FBLN7: variants seen among roughly 807,000 people sequenced by gnomAD.
FBLN7 encodes the protein fibulin 7.
A neutral mutation model predicts 44.0 loss-of-function variants in FBLN7; 31 were observed. The observed-to-expected ratio is 0.70, with a 90% CI of 0.53 to 0.95. The LOEUF (loss-of-function observed/expected upper bound fraction) is 0.95, where lower values mean the gene tolerates loss of function less well. Ranked by LOEUF, FBLN7 falls within the 40% of genes least tolerant of loss-of-function variation. The pLI is 0.00. For missense variants in FBLN7, 573 were observed against 618.5 expected (o/e 0.93, Z 0.78); for synonymous variants, 262 against 253.4 (o/e 1.03, Z -0.32).
the FBLN7 span, among the ~76,000 whole-genome samples, chr2:112,224,384 A>T: frequency 5.9e-5 from 9 of 152,362 alleles, no homozygotes; most frequent in Non-Finnish European, 1.2e-4. Context: ...ACTCTTATCA[A>T]GCTACAATTT....
chr2:112,207,936 C>T, the FBLN7 span, among the ~76,000 whole-genome samples: 1 of 152,136 alleles, frequency 6.6e-6, no homozygotes, highest in Non-Finnish European at 1.5e-5. Context: ...TTAAAAAATC[C>T]GTTCTGACAA....
At chr2:112,196,027 G>T in the FBLN7 span, among the ~76,000 whole-genome samples, 1 of 152,174 alleles carries the variant, frequency 6.6e-6, no homozygotes, top group Non-Finnish European at 1.5e-5. Flanking sequence ...ACAGATGCTG[G>T]GACCCCCAGA....
At chr2:112,177,540 T>C (rs1388819661) in intron 4 of FBLN7, 3 of 152,194 alleles carry the variant, frequency 2.0e-5, no homozygotes, top group East Asian at 3.9e-4. Context: ...AAAACATATA[T>C]ATAACATAAA....
rs762450106 is a variant in FBLN7 at position 112,187,092 on chromosome 2, C to T, written c.948-42C>T. ...CGGGTCAGAGCAGCTCTTCATGAGA[C>T]TCCCCAAGGCTGACTGCCTCCATTT... On this transcript the variant is annotated intron_variant, in intron 7 of 7. Transcript: ENST00000331203. The surrounding 1 kb of genome is among the most constrained non-coding windows in gnomAD (Gnocchi z 5.1). The T allele has an allele frequency of 6.9e-6, 11 of 1,593,994 alleles. No individual in the cohort carries two copies. Among genetic ancestry groups the T allele is most frequent in the Non-Finnish European group, 9.4e-6 (11 of 1,168,212 alleles).
the FBLN7 span, among the ~76,000 whole-genome samples, chr2:112,217,638 A>C: frequency 1.3e-5 from 2 of 152,194 alleles, no homozygotes; most frequent in African/African-American, 4.8e-5. Flanking sequence ...AAAAAGTTAC[A>C]TTCTTTAATA....
chr2:112,156,984 C>T (rs533739698), intron 1 of FBLN7, among the ~76,000 whole-genome samples: 19 of 152,308 alleles, frequency 1.2e-4, no homozygotes, highest in Admixed American at 9.8e-4. Context: ...GGGGGCCACA[C>T]ACCTCCCTGC....
At chr2:112,230,964 A>G in the FBLN7 span, 1 of 1,232,462 alleles carries the variant, frequency 8.1e-7, no homozygotes, top group Non-Finnish European at 1.1e-6. Context: ...ATATAAAAAA[A>G]AAATCACATA....
the FBLN7 span, among the ~76,000 whole-genome samples, chr2:112,200,321 T>TG: frequency 1.3e-5 from 2 of 152,056 alleles, no homozygotes; most frequent in African/African-American, 4.8e-5. Context: ...TGCAGAGCCA[T>TG]GGGGGACACC....
intron 4 of FBLN7, among the ~76,000 whole-genome samples, chr2:112,179,473 C>T (rs192557913): frequency 6.6e-6 from 1 of 151,834 alleles, no homozygotes; most frequent in South Asian, 2.1e-4. Context: ...ACATTCTTCA[C>T]AGAACTAGAA....
chr2:112,185,729 C>A (rs1016269931), intron 7 of FBLN7, among the ~76,000 whole-genome samples: 1 of 152,098 alleles, frequency 6.6e-6, no homozygotes, highest in Non-Finnish European at 1.5e-5. Context: ...GAGGTGACAG[C>A]ATTCACATAG....
At chr2:112,211,315 T>TG in the FBLN7 span, among the ~76,000 whole-genome samples, 188 of 152,272 alleles carry the variant, frequency 1.2e-3, no homozygotes, top group African/African-American at 4.3e-3. Context: ...AAATTAATCA[T>TG]GGGAGTGAAA....
chr2:112,155,977 C>T (rs1009294375), intron 1 of FBLN7, among the ~76,000 whole-genome samples: 3 of 152,196 alleles, frequency 2.0e-5, no homozygotes, highest in Non-Finnish European at 4.4e-5. Flanking sequence ...TCCATGTACC[C>T]GGGGCAGCTG....
At chr2:112,230,909 A>G in the FBLN7 span, 1 of 1,288,744 alleles carries the variant, frequency 7.8e-7, no homozygotes, top group Non-Finnish European at 1.0e-6. Flanking sequence ...TTACCTTTTT[A>G]TGTCTATTTT....
chr2:112,171,441 G>C (rs961997517), intron 3 of FBLN7, among the ~76,000 whole-genome samples: 1 of 152,128 alleles, frequency 6.6e-6, no homozygotes, highest in African/African-American at 2.4e-5. Flanking sequence ...TTTGCAGTGA[G>C]AAGGGAGCAG....
chr2:112,185,635 C>A (rs1398014247), intron 7 of FBLN7, among the ~76,000 whole-genome samples: 1 of 152,152 alleles, frequency 6.6e-6, no homozygotes, highest in Admixed American at 6.5e-5. Context: ...CCAGGGCAGG[C>A]ACTGAAGGGA....
intron 2 of FBLN7, 100 bp downstream of exon 2, chr2:112,159,935 C>A: frequency 1.0e-6 from 1 of 954,608 alleles, no homozygotes; most frequent in Non-Finnish European, 1.4e-6. Flanking sequence ...CCTCACCCTT[C>A]CCCCATCACC....
Position 112,187,253 on chromosome 2 carries a change from G to T in FBLN7, c.1067G>T (p.Arg356Leu). 1.2e-6 allele frequency: 2 copies of T among 1,614,098 alleles called. No individual in the cohort carries two copies. Among genetic ancestry groups the T allele is most frequent in the Non-Finnish European group, 1.7e-6 (2 of 1,180,024 alleles). ...SNLKTPITLF[R>L]MATASAPGRA... is the part of the protein sequence containing the mutation. ...CTGAAGACGCCCATCACGCTCTTCC[G>T]CATGGCCACAGCCTCTGCCCCCGGC... The change falls in exon 8 of 8, where the codon CGC becomes CTC. Residue 356 changes from arginine (R) to leucine (L), a missense_variant. By Grantham distance (102) the Arg-to-Leu change is moderately radical (BLOSUM62 -2). Coordinates refer to ENST00000331203, the MANE Select transcript of FBLN7 (RefSeq NM_153214.3). The surrounding 1 kb of genome is among the most constrained non-coding windows in gnomAD (Gnocchi z 5.1).
At chr2:112,222,373 C>A in the FBLN7 span, among the ~76,000 whole-genome samples, 1 of 152,056 alleles carries the variant, frequency 6.6e-6, no homozygotes, top group African/African-American at 2.4e-5. Context: ...CCTGGCCTGT[C>A]TGGCTACAAG....
intron 2 of FBLN7, among the ~76,000 whole-genome samples, chr2:112,160,715 AGCACGC>A (rs201126163): frequency 1.9e-3 from 111 of 59,176 alleles, no homozygotes; most frequent in African/African-American, 5.8e-3. Flanking sequence ...CACACACACA[AGCACGC>A]GCACACGCAC....
Sources: allele counts gnomAD v4.1 joint callset (sites outside exome capture counted in the v4.1 genomes callset), GRCh38; gene constraint gnomAD v4.1.1; non-coding constraint Gnocchi (gnomAD v3.1); transcripts MANE v1.5; gene names NCBI Gene and HGNC (gene_info 2026-07-23, HGNC 2026-07-21).